The following SLC3A1 variants were observed in gnomAD, a reference collection of about 807,000 sequenced individuals.
SLC3A1 encodes the protein solute carrier family 3 member 1, also known as amino acid transporter heavy chain SLC3A1.
In SLC3A1, 78 loss-of-function variants were observed where a neutral mutation model predicts 60.3. The ratio of observed to expected loss-of-function variants is 1.29; its 90% CI spans 1.08 to 1.56. The LOEUF is 1.56. SLC3A1 is among the 40% of genes most tolerant of loss of function. The pLI is 0.00. For missense variants in SLC3A1, 1,172 were observed against 858.9 expected, an observed-to-expected ratio of 1.36 and a Z score of -4.56; for synonymous variants, 392 against 307.9, an observed-to-expected ratio of 1.27 and a Z score of -2.86.
chr2:44,289,858 T>G (rs186618054), intron 4 of SLC3A1, among the ~76,000 whole-genome samples: 31 of 152,224 alleles, frequency 2.0e-4, no homozygotes, highest in Admixed American at 1.9e-3. Flanking sequence ...CTCGAACTCC[T>G]GACCTCAGGT....
chr2:44,277,107 T>TC (rs1671365174), intron 1 of SLC3A1, among the ~76,000 whole-genome samples: 3 of 132,180 alleles, frequency 2.3e-5, no homozygotes, highest in African/African-American at 5.5e-5. Flanking sequence ...TCTCTTCTTT[T>TC]TTTTTTTTTT....
intron 9 of SLC3A1, among the ~76,000 whole-genome samples, chr2:44,315,723 C>T (rs1672418839): frequency 6.8e-6 from 1 of 146,642 alleles, no homozygotes; most frequent in East Asian, 2.0e-4. Flanking sequence ...AAAAACAGTT[C>T]TAACAGAGAC....
chr2:44,281,361 C>T (rs750548963), intron 2 of SLC3A1, 26 bp from the exon 3 acceptor site: 3 of 1,588,202 alleles, frequency 1.9e-6, no homozygotes, highest in South Asian at 1.1e-5. Context: ...CTTTCCCTAG[C>T]ATTTGAAATG....
At chr2:44,312,484 C>G (rs1170504154) in intron 7 of SLC3A1, 102 bp from the exon 8 acceptor site, 11 of 1,256,098 alleles carry the variant, frequency 8.8e-6, no homozygotes, top group Non-Finnish European at 1.3e-5. Context: ...CAAGGTACCA[C>G]ATCTACTTTG....
intron 4 of SLC3A1, among the ~76,000 whole-genome samples, chr2:44,292,815 G>T (rs971230254): frequency 6.6e-6 from 1 of 152,178 alleles, no homozygotes; most frequent in Non-Finnish European, 1.5e-5. Context: ...GTCACTGGGG[G>T]TGAGGTCAGG....
chr2:44,291,350 A>G (rs1396612513), intron 4 of SLC3A1, among the ~76,000 whole-genome samples: 2 of 152,210 alleles, frequency 1.3e-5, no homozygotes, highest in Admixed American at 6.5e-5. Context: ...AAATTCTGCA[A>G]AAATGTGCCA....
Position 44,281,512 on chromosome 2 carries a change from A to G in SLC3A1, c.736A>G (p.Asn246Asp). The change falls in exon 3 of 10, where the codon AAT (asparagine) becomes GAT (aspartate). Residue 246 changes from asparagine (N) to aspartate (D), a missense_variant. By Grantham distance (23) the Asn-to-Asp change is conservative. Coordinates refer to ENST00000260649, the MANE Select transcript of SLC3A1 (RefSeq NM_000341.4). ...YYIWHDCTHE[N>D]GKTIPPNNWL... is the part of the protein sequence containing the mutation. ...TATCTGGCATGACTGTACCCATGAAAATGGCAAAACCATTCCACCCAACAA... is the reference window on the plus strand; with the variant it reads ...TATCTGGCATGACTGTACCCATGAAGATGGCAAAACCATTCCACCCAACAA... The G allele has an allele frequency of 1.2e-6, 2 of 1,614,174 alleles. No homozygotes were observed. Among genetic ancestry groups the G allele is most frequent in the Non-Finnish European group, 1.7e-6 (2 of 1,180,022 alleles).
intron 7 of SLC3A1, among the ~76,000 whole-genome samples, chr2:44,307,244 T>A (rs1010637761): frequency 6.6e-6 from 1 of 152,228 alleles, no homozygotes; most frequent in African/African-American, 2.4e-5. Context: ...TGATCATGAA[T>A]TGACAGAGAT....
At chr2:44,277,481 A>G (rs1018819906) in intron 1 of SLC3A1, among the ~76,000 whole-genome samples, 2 of 152,204 alleles carry the variant, frequency 1.3e-5, no homozygotes, top group African/African-American at 4.8e-5. Flanking sequence ...TTCATGGTGC[A>G]GCTCAAACCC....
intron 4 of SLC3A1, among the ~76,000 whole-genome samples, chr2:44,291,985 T>A (rs986944882): frequency 6.6e-6 from 1 of 152,190 alleles, no homozygotes; most frequent in Non-Finnish European, 1.5e-5. Flanking sequence ...CTCTGAGGTA[T>A]CAGGGGTATA....
At position 44,301,133 on chromosome 2, in the gene SLC3A1, C is replaced by T; in HGVS notation, c.1136+6C>T. 6.2e-7 allele frequency: 1 copy of T among 1,614,168 alleles called. No individual in the cohort carries two copies. The highest frequency in any genetic ancestry group is 8.5e-7 in the Non-Finnish European group (1 of 1,180,016). On this transcript the variant is annotated splice_donor_region_variant and intron_variant, in intron 6 of 9. Transcript: ENST00000260649. ...ACGGAGCCCGGCAGATACAGGTTGA[C>T]CACGGCATATGCTCTCATTTCTTCC... is the stretch of plus-strand genomic sequence containing the variant.
Position 44,320,405 on chromosome 2 carries a change from T to A in SLC3A1, c.1824T>A (p.His608Gln). Residue 608 changes from histidine (H) to glutamine (Q), a missense_variant, in exon 10 of 10, where the codon CAT (histidine) becomes CAA (glutamine). Physicochemically the swap from His to Gln is conservative, Grantham distance 24. Transcript: ENST00000260649. Reference protein sequence around the residue: ...NFGESTLLNLHNMISGLPAKM... With the variant: ...NFGESTLLNLQNMISGLPAKM... ...GAGAATCAACACTGTTAAATCTACA[T>A]AATATGATTTCGGGCCTTCCCGCTA... 6.2e-7 allele frequency: 1 copy of A among 1,614,046 alleles called. No homozygotes were observed. The highest frequency in any genetic ancestry group is 1.1e-5 in the South Asian group (1 of 91,070).
intron 4 of SLC3A1, among the ~76,000 whole-genome samples, chr2:44,287,398 G>C (rs1344793933): frequency 6.6e-6 from 1 of 152,196 alleles, no homozygotes; most frequent in Non-Finnish European, 1.5e-5. Flanking sequence ...AGGTCCCGAG[G>C]TGAGAGTGTG....
chr2:44,281,447 A>C lies in SLC3A1; in HGVS notation c.671A>C (p.Gln224Pro). The C allele has an allele frequency of 6.2e-7, 1 of 1,613,812 alleles. No individual in the cohort carries two copies. The highest frequency in any genetic ancestry group is 8.5e-7 in the Non-Finnish European group (1 of 1,179,686). Residue 224 changes from glutamine (Q) to proline (P), a missense_variant, in exon 3 of 10, where the codon CAA becomes CCA. Gln to Pro is a moderately conservative substitution (Grantham distance 76). Coordinates refer to ENST00000260649, the MANE Select transcript of SLC3A1 (RefSeq NM_000341.4). ...NHTSDKHIWF[Q>P]LSRTRTGKYT... ...ACGAGTGATAAACATATTTGGTTTC[A>C]ATTGAGTCGGACACGGACAGGAAAA... is the stretch of plus-strand genomic sequence containing the variant.
chr2:44,277,111 T>C (rs1179800321), intron 1 of SLC3A1, among the ~76,000 whole-genome samples: 1 of 148,070 alleles, frequency 6.8e-6, no homozygotes, highest in Non-Finnish European at 1.5e-5. Flanking sequence ...TTCTTTTTTT[T>C]TTTTTTTTTT....
At chr2:44,305,385 A>G (rs1224580914) in intron 7 of SLC3A1, among the ~76,000 whole-genome samples, 1 of 151,204 alleles carries the variant, frequency 6.6e-6, no homozygotes, top group African/African-American at 2.4e-5. Flanking sequence ...AACAAAATGC[A>G]AGTTTCTTTC....
chr2:44,289,879 C>G (rs989665906), intron 4 of SLC3A1, among the ~76,000 whole-genome samples: 1 of 152,178 alleles, frequency 6.6e-6, no homozygotes, highest in Non-Finnish European at 1.5e-5. Context: ...GATCCACCCG[C>G]CTCGGCCTCC....
At position 44,320,267 on chromosome 2, in the gene SLC3A1, G is replaced by GCTA. The variant is rs1215885832; in HGVS notation, c.1689_1691dup (p.Leu565dup). The GCTA allele has an allele frequency of 6.2e-7, 1 of 1,614,080 alleles. No homozygotes were observed. Among genetic ancestry groups the GCTA allele is most frequent in the Non-Finnish European group, 8.5e-7 (1 of 1,179,960 alleles). On this transcript the variant is annotated inframe_insertion, in exon 10 of 10. Coordinates refer to ENST00000260649, the MANE Select transcript of SLC3A1 (RefSeq NM_000341.4). ...ATTTAAGTCTACTTCATGCCAATGAGCTACTCCTCAACAGGGGCTGGTTTT... is the reference window on the plus strand; with the variant it reads ...ATTTAAGTCTACTTCATGCCAATGAGCTACTACTCCTCAACAGGGGCTGGTTTT...
At chr2:44,313,239 T>G (rs1672342892) in intron 8 of SLC3A1, among the ~76,000 whole-genome samples, 1 of 152,170 alleles carries the variant, frequency 6.6e-6, no homozygotes, top group Non-Finnish European at 1.5e-5. Flanking sequence ...AGCCTCAGAG[T>G]TAAGCAGTTT....
Sources: allele counts gnomAD v4.1 joint callset (sites outside exome capture counted in the v4.1 genomes callset), GRCh38; gene constraint gnomAD v4.1.1; transcripts MANE v1.5; gene names NCBI Gene and HGNC (gene_info 2026-07-23, HGNC 2026-07-21).